DIP2C: variants seen among roughly 807,000 people sequenced by gnomAD.
The protein encoded by DIP2C is DIP2 acetate--CoA ligase C (putative).
A neutral mutation model predicts 192.4 loss-of-function variants in DIP2C; 33 were observed. The observed-to-expected ratio is 0.17, with a 90% confidence interval of 0.13 to 0.23. DIP2C has a LOEUF of 0.23. Ranked by LOEUF, DIP2C falls within the 10% of genes least tolerant of loss-of-function variation. The pLI is 1.00. For synonymous variants in DIP2C, 979 were observed against 864.1 expected (o/e 1.13, Z -2.33); for missense variants, 1,537 against 2,110.1 (o/e 0.73, Z 5.32).
chr10:569,117 G>C (rs1284641017), intron 1 of DIP2C, among the ~76,000 whole-genome samples: 1 of 152,140 alleles, frequency 6.6e-6, no homozygotes, highest in Non-Finnish European at 1.5e-5. Context: ...CCCGAGCCTT[G>C]GCCAGGGAAC....
At chr10:645,204 G>A (rs993390097) in intron 1 of DIP2C, among the ~76,000 whole-genome samples, 2 of 152,198 alleles carry the variant, frequency 1.3e-5, no homozygotes, top group Admixed American at 6.5e-5. Context: ...TCTTGAGGGA[G>A]AGCTGGCATG....
intron 4 of DIP2C, among the ~76,000 whole-genome samples, 197 bp downstream of exon 4, chr10:440,674 G>A (rs1967653234): frequency 6.6e-6 from 1 of 152,140 alleles, no homozygotes; most frequent in South Asian, 2.1e-4. Context: ...TTAAAAATGT[G>A]TTTTTATACA....
At chr10:673,516 A>G (rs1425751311) in intron 1 of DIP2C, among the ~76,000 whole-genome samples, 1 of 152,184 alleles carries the variant, frequency 6.6e-6, no homozygotes, top group East Asian at 1.9e-4. Context: ...AATCATAACA[A>G]TCAAAACTAT....
chr10:489,515 T>C (rs1255540230), intron 1 of DIP2C, among the ~76,000 whole-genome samples: 1 of 152,262 alleles, frequency 6.6e-6, no homozygotes, highest in African/African-American at 2.4e-5. Flanking sequence ...GCCCAAGGCC[T>C]GACCTTCAAT....
At chr10:536,124 C>T (rs1049406807) in intron 1 of DIP2C, among the ~76,000 whole-genome samples, 1 of 152,342 alleles carries the variant, frequency 6.6e-6, no homozygotes, top group East Asian at 1.9e-4. Flanking sequence ...CAGGGCCGAG[C>T]TCCCACCGCA....
chr10:492,218 A>T (rs1385900590), intron 1 of DIP2C, among the ~76,000 whole-genome samples: 1 of 152,182 alleles, frequency 6.6e-6, no homozygotes, highest in Non-Finnish European at 1.5e-5. Context: ...GGGTCGCTGC[A>T]AGAATGCAAA....
intron 1 of DIP2C, among the ~76,000 whole-genome samples, chr10:551,185 G>GT (rs1322950335): frequency 6.6e-6 from 1 of 152,200 alleles, no homozygotes; most frequent in African/African-American, 2.4e-5. Flanking sequence ...CTCCTTGCAG[G>GT]TCTCGGCTCT....
At chr10:441,223 C>A in intron 3 of DIP2C, 1 of 510,548 alleles carries the variant, frequency 2.0e-6, no homozygotes, top group Non-Finnish European at 3.4e-6. Context: ...TATCCATAAG[C>A]AAACACTGGC....
intron 24 of DIP2C, among the ~76,000 whole-genome samples, chr10:350,157 C>A (rs116552314): frequency 2.9e-3 from 446 of 152,208 alleles, no homozygotes; most frequent in African/African-American, 0.01. Context: ...GATCACTGCT[C>A]ACTGCAGCCT....
rs113431819 is a variant in DIP2C, at chr10:357,741, C to T, written c.2904+87G>A. The T allele has an allele frequency of 3.3e-4, 321 of 969,186 alleles. No individual in the cohort carries two copies. The African/African-American group carries it at 4.2e-3, about 13-fold the overall frequency. 60.0% of individuals were successfully genotyped at this position (969,186 alleles called of 1,614,324 possible). ...ACTGTCAGGGAAGGTAGGGGACAGTCGGGTACTGTCGGGGATGGTCGCAGA... is the reference window on the plus strand; with the variant it reads ...ACTGTCAGGGAAGGTAGGGGACAGTTGGGTACTGTCGGGGATGGTCGCAGA... On this transcript the variant is annotated intron_variant, in intron 23 of 36. Transcript: ENST00000280886.
intron 1 of DIP2C, among the ~76,000 whole-genome samples, chr10:600,688 G>A (rs1001712064): frequency 2.6e-5 from 4 of 152,184 alleles, no homozygotes; most frequent in African/African-American, 7.2e-5. Flanking sequence ...ATATTCCTGG[G>A]TGCCCCAGAG....
At chr10:527,118 G>T (rs1381104448) in intron 1 of DIP2C, among the ~76,000 whole-genome samples, 1 of 152,186 alleles carries the variant, frequency 6.6e-6, no homozygotes, top group Admixed American at 6.5e-5. Flanking sequence ...ATCTGGCCTG[G>T]ATTCTCCGAC....
intron 1 of DIP2C, among the ~76,000 whole-genome samples, chr10:492,159 C>G (rs528592443): frequency 6.6e-6 from 1 of 152,382 alleles, no homozygotes; most frequent in Non-Finnish European, 1.5e-5. Flanking sequence ...CACTCCAGCT[C>G]TGGGGCTGAG....
chr10:395,149 GGGGGGAGGGAGGACATGGGGAGATGT>G (rs1963885904), intron 10 of DIP2C, among the ~76,000 whole-genome samples: 1 of 66,182 alleles, frequency 1.5e-5, no homozygotes, highest in Non-Finnish European at 2.7e-5. Flanking sequence ...GGAGGAGATG[GGGGGGAGGGAGGACATGGGGAGATGT>G]TGGTCAGAAG....
chr10:492,404 C>G (rs574322925), intron 1 of DIP2C, among the ~76,000 whole-genome samples: 1 of 152,370 alleles, frequency 6.6e-6, no homozygotes, highest in Non-Finnish European at 1.5e-5. Flanking sequence ...CTCATTCTCA[C>G]AAGCCCCTGC....
At chr10:410,353 T>G (rs754634346) in intron 8 of DIP2C, among the ~76,000 whole-genome samples, 6 of 152,242 alleles carry the variant, frequency 3.9e-5, no homozygotes, top group Non-Finnish European at 8.8e-5. Flanking sequence ...TCTTGAGCAC[T>G]TAATTGCTAG....
At chr10:610,708 G>A (rs1171711263) in intron 1 of DIP2C, among the ~76,000 whole-genome samples, 2 of 151,970 alleles carry the variant, frequency 1.3e-5, no homozygotes, top group African/African-American at 4.8e-5. Flanking sequence ...AGTGTTGGAG[G>A]TGGGCCCTGG....
At chr10:477,696 AAAGG>A (rs1414349225) in intron 2 of DIP2C, among the ~76,000 whole-genome samples, 1 of 144,952 alleles carries the variant, frequency 6.9e-6, no homozygotes, top group African/African-American at 2.5e-5. Context: ...AAAGCGGAGA[AAAGG>A]AAAGAATAAA....
chr10:510,451 C>T (rs190540592), intron 1 of DIP2C, among the ~76,000 whole-genome samples: 5 of 152,174 alleles, frequency 3.3e-5, no homozygotes, highest in African/African-American at 4.8e-5. Flanking sequence ...GGTGCACTGC[C>T]GTATGTGGAC....
Sources: allele counts gnomAD v4.1 joint callset (sites outside exome capture counted in the v4.1 genomes callset), GRCh38; gene constraint gnomAD v4.1.1; transcripts MANE v1.5; gene names NCBI Gene and HGNC (gene_info 2026-07-23, HGNC 2026-07-21).